The following TMEM243 variants were observed in gnomAD, a reference collection of about 807,000 sequenced individuals.
TMEM243 encodes MDR1 and mitochondrial taxol resistance associated.
Under a neutral mutation model 15.0 loss-of-function variants are expected in TMEM243, and 20 were observed. The ratio of observed to expected loss-of-function variants is 1.33; its 90% CI spans 0.94 to 1.93. The LOEUF is 1.93. Among genes scored for constraint, TMEM243 ranks in the 30% most tolerant of loss-of-function variants. The pLI, the probability that TMEM243 is intolerant of heterozygous loss-of-function variation, is 0.00. For synonymous variants in TMEM243, 72 were observed against 52.7 expected, an observed-to-expected ratio of 1.37 and a Z score of -1.59; for missense variants, 156 against 142.1, an observed-to-expected ratio of 1.10 and a Z score of -0.50.
Position 87,197,956 on chromosome 7 carries a change from A to AAT in TMEM243, c.217_218dup (p.Thr74LeufsTer15). ...CAGTACTTACAAGTATGCAGGCAGT[A>AAT]ATACTACTCAAAGAGATGCAGACAG... On this transcript the variant is annotated frameshift_variant, in exon 3 of 4. Coordinates refer to ENST00000257637, the MANE Select transcript of TMEM243 (RefSeq NM_024315.4). LOFTEE classifies it high-confidence loss of function. 6.2e-7 allele frequency: 1 copy of AAT among 1,613,152 alleles called. No homozygotes were observed. The highest frequency in any genetic ancestry group is 8.5e-7 in the Non-Finnish European group (1 of 1,179,386).
chr7:87,209,709 AGC>A (rs1802548460), intron 1 of TMEM243, among the ~76,000 whole-genome samples: 1 of 145,950 alleles, frequency 6.9e-6, no homozygotes, highest in Non-Finnish European at 1.5e-5. Flanking sequence ...ACACAGTGAG[AGC>A]GAGACACAGT....
At chr7:87,216,042 G>A (rs1026746704) in intron 1 of TMEM243, among the ~76,000 whole-genome samples, 18 of 152,004 alleles carry the variant, frequency 1.2e-4, no homozygotes, top group South Asian at 2.1e-4. Context: ...AGGCCGAGGC[G>A]GGCAGATCAC....
upstream of TMEM243, among the ~76,000 whole-genome samples, chr7:87,219,926 A>C (rs1359961587): frequency 6.6e-6 from 1 of 152,164 alleles, no homozygotes; most frequent in African/African-American, 2.4e-5. Context: ...AGACTCCCAC[A>C]CGTCGCCCCC....
At chr7:87,209,774 CAGAGCGAG>C (rs1284174771) in intron 1 of TMEM243, among the ~76,000 whole-genome samples, 1 of 72,828 alleles carries the variant, frequency 1.4e-5, no homozygotes, top group Admixed American at 1.4e-4. Flanking sequence ...GAGAGCGAGA[CAGAGCGAG>C]ACAGTGAGAG....
At chr7:87,207,595 C>CA (rs575149921) in intron 1 of TMEM243, among the ~76,000 whole-genome samples, 82 of 4,768 alleles carry the variant, frequency 0.017, 24 homozygotes, top group African/African-American at 0.034. Context: ...GACTCCGTCT[C>CA]AAAAAAAAAA....
intron 1 of TMEM243, among the ~76,000 whole-genome samples, chr7:87,211,268 A>AT (rs1355504933): frequency 4.6e-5 from 7 of 152,118 alleles, no homozygotes; most frequent in Admixed American, 2.6e-4. Context: ...GCTCAATCCC[A>AT]TTTTATACTC....
chr7:87,209,952 G>C (rs2129233619), intron 1 of TMEM243, among the ~76,000 whole-genome samples: 1 of 131,234 alleles, frequency 7.6e-6, no homozygotes, highest in African/African-American at 2.9e-5. Flanking sequence ...GGGGGACAGA[G>C]AGACAGAGGA....
chr7:87,218,235 T>C (rs1184985994), intron 1 of TMEM243, among the ~76,000 whole-genome samples: 1 of 152,234 alleles, frequency 6.6e-6, no homozygotes, highest in Non-Finnish European at 1.5e-5. Context: ...GAACATCTAC[T>C]GGAGGAGGAA....
At chr7:87,217,770 G>T (rs555991649) in intron 1 of TMEM243, among the ~76,000 whole-genome samples, 3 of 152,172 alleles carry the variant, frequency 2.0e-5, no homozygotes, top group African/African-American at 7.2e-5. Context: ...AAGTAAGTAC[G>T]CAATAAAAGA....
chr7:87,200,901 TTAG>T (rs1801756017), intron 1 of TMEM243, among the ~76,000 whole-genome samples: 1 of 152,222 alleles, frequency 6.6e-6, no homozygotes, highest in South Asian at 2.1e-4. Context: ...AAAAAGCCTA[TTAG>T]CAAAGTACTA....
chr7:87,212,609 G>A (rs527529170), intron 1 of TMEM243, among the ~76,000 whole-genome samples: 2 of 152,072 alleles, frequency 1.3e-5, no homozygotes, highest in Non-Finnish European at 2.9e-5. Flanking sequence ...TTAGCAGAAA[G>A]AAAAAGAGAA....
intron 1 of TMEM243, among the ~76,000 whole-genome samples, chr7:87,200,255 C>T (rs1584518172): frequency 1.3e-5 from 2 of 152,118 alleles, no homozygotes; most frequent in East Asian, 3.9e-4. Flanking sequence ...TACTGGACTC[C>T]AGCCACACCC....
At chr7:87,197,767 A>C in intron 3 of TMEM243, 174 bp downstream of exon 3, 1 of 1,264,616 alleles carries the variant, frequency 7.9e-7, no homozygotes. Context: ...TTTGGGATTT[A>C]GGAGAAAAGG....
At chr7:87,202,857 G>C (rs1215286253) in intron 1 of TMEM243, 1 of 152,160 alleles carries the variant, frequency 6.6e-6, no homozygotes, top group African/African-American at 2.4e-5. Context: ...ATGATACCTG[G>C]TCCCTTTCAG....
At chr7:87,197,230 G>C (rs1009463543) in intron 3 of TMEM243, among the ~76,000 whole-genome samples, 14 of 152,192 alleles carry the variant, frequency 9.2e-5, no homozygotes, top group Middle Eastern at 3.4e-3. Context: ...TCTTCTTCGG[G>C]TCATGGGAGT....
chr7:87,210,797 C>T (rs912243960), intron 1 of TMEM243, among the ~76,000 whole-genome samples: 5 of 152,200 alleles, frequency 3.3e-5, no homozygotes, highest in Admixed American at 6.5e-5. Flanking sequence ...CAATCCATAA[C>T]GGCTCCCCCT....
At chr7:87,209,695 C>CGAGACACAGTGAGAGA (rs1433900569) in intron 1 of TMEM243, among the ~76,000 whole-genome samples, 1 of 92,706 alleles carries the variant, frequency 1.1e-5, no homozygotes, top group Non-Finnish European at 2.2e-5. Context: ...AGCGAGAGAG[C>CGAGACACAGTGAGAGA]GAGACACAGT....
chr7:87,211,784 C>T (rs867666603), intron 1 of TMEM243, among the ~76,000 whole-genome samples: 22 of 152,260 alleles, frequency 1.4e-4, no homozygotes, highest in African/African-American at 5.3e-4. Flanking sequence ...TAGAGACAAC[C>T]GGAGGTATAG....
At chr7:87,204,924 C>T (rs1011483405) in intron 1 of TMEM243, among the ~76,000 whole-genome samples, 17 of 152,254 alleles carry the variant, frequency 1.1e-4, no homozygotes, top group Admixed American at 9.2e-4. Context: ...AGGGCCCTGG[C>T]CCTGCAGCAA....
Sources: gnomAD v4.1 joint callset for allele counts (sites outside exome capture counted in the v4.1 genomes callset) on GRCh38, gnomAD v4.1.1 for gene constraint, MANE v1.5 for transcripts, NCBI Gene and HGNC (gene_info 2026-07-23, HGNC 2026-07-21) for gene names.